PSD3: variants seen among roughly 807,000 people sequenced by gnomAD.
PSD3 encodes the protein PH and SEC7 domain-containing protein 3.
PSD3 carries 49 observed loss-of-function variants against 105.5 expected under a neutral mutation model. The observed-to-expected ratio is 0.46, with a 90% confidence interval of 0.37 to 0.59. PSD3 has a LOEUF of 0.59. Among genes scored for constraint, PSD3 ranks in the 20% least tolerant of loss-of-function variants. The pLI is 0.00. For missense variants in PSD3, 1,561 were observed against 1,263.8 expected (o/e 1.24, Z -3.57); for synonymous variants, 557 against 457.8 (o/e 1.22, Z -2.77).
chr8:18,766,861 A>G (rs183817797), intron 8 of PSD3, among the ~76,000 whole-genome samples: 3 of 152,326 alleles, frequency 2.0e-5, no homozygotes, highest in Admixed American at 6.5e-5. Context: ...GTGTTGCATT[A>G]TAGGAGAGAA....
At chr8:18,730,513 C>G (rs544599869) in intron 9 of PSD3, among the ~76,000 whole-genome samples, 2 of 152,056 alleles carry the variant, frequency 1.3e-5, no homozygotes, top group Non-Finnish European at 2.9e-5. Context: ...CGAAGTTGAC[C>G]CTTAGTACCT....
intron 11 of PSD3, among the ~76,000 whole-genome samples, chr8:18,620,583 C>A (rs1038762554): frequency 6.6e-6 from 1 of 151,958 alleles, no homozygotes; most frequent in Non-Finnish European, 1.5e-5. Context: ...ACAGCACATT[C>A]CTGTGGTCCC....
chr8:18,939,916 AAC>A (rs1179867979), intron 1 of PSD3, among the ~76,000 whole-genome samples: 4 of 152,208 alleles, frequency 2.6e-5, no homozygotes, highest in African/African-American at 9.7e-5. Context: ...CAGAGCAGAA[AAC>A]ACACTGTAAG....
At chr8:18,827,686 G>C (rs1217195857) in intron 4 of PSD3, among the ~76,000 whole-genome samples, 1 of 152,064 alleles carries the variant, frequency 6.6e-6, no homozygotes, top group Admixed American at 6.6e-5. Flanking sequence ...TGCAAGGGTC[G>C]AGGTGACAGA....
At chr8:18,640,074 C>G (rs716094) in intron 10 of PSD3, among the ~76,000 whole-genome samples, 38,062 of 152,048 alleles carry the variant, frequency 0.25, 5,151 homozygotes, top group Middle Eastern at 0.45. Context: ...CATTCACTTT[C>G]AAAAAACAGC....
intron 1 of PSD3, among the ~76,000 whole-genome samples, chr8:19,019,442 A>G (rs987283920): frequency 1.3e-5 from 2 of 152,240 alleles, no homozygotes; most frequent in Non-Finnish European, 2.9e-5. Flanking sequence ...ATACATAAGC[A>G]ACTCTAACCT....
At chr8:18,973,007 G>C (rs1281213617) in intron 1 of PSD3, among the ~76,000 whole-genome samples, 1 of 152,098 alleles carries the variant, frequency 6.6e-6, no homozygotes, top group Non-Finnish European at 1.5e-5. Flanking sequence ...CTTCGAATTT[G>C]GACAAAAATA....
At chr8:18,571,846 G>C (rs1255601812) in intron 14 of PSD3, among the ~76,000 whole-genome samples, 2 of 152,114 alleles carry the variant, frequency 1.3e-5, no homozygotes, top group Non-Finnish European at 2.9e-5. Context: ...TCTTTAACTA[G>C]TCAATGGCAA....
intron 2 of PSD3, among the ~76,000 whole-genome samples, chr8:18,917,688 G>A (rs1202756452): frequency 2.0e-5 from 3 of 151,974 alleles, no homozygotes; most frequent in Admixed American, 6.6e-5. Context: ...TTGCTCTTGC[G>A]ATTTCCCACC....
At chr8:18,732,097 C>T (rs1803798012) in intron 9 of PSD3, among the ~76,000 whole-genome samples, 3 of 151,892 alleles carry the variant, frequency 2.0e-5, no homozygotes, top group African/African-American at 4.8e-5. Flanking sequence ...GAAATGTCCC[C>T]CTAGGAGCAT....
intron 1 of PSD3, among the ~76,000 whole-genome samples, chr8:18,973,647 C>A (rs1824773980): frequency 6.6e-6 from 1 of 152,148 alleles, no homozygotes; most frequent in South Asian, 2.1e-4. Context: ...TAGGGAGATA[C>A]AAGTCAGTTC....
rs1804798373 is a variant in PSD3 at position 18,605,997 on chromosome 8, A to C, written c.2411-5563T>G. ...AATTAAACTACTTTATAAATTATCCAGTCTCGGGTATTTCTTCAGATGAGT... is the reference window on the plus strand; with the variant it reads ...AATTAAACTACTTTATAAATTATCCCGTCTCGGGTATTTCTTCAGATGAGT... On this transcript the variant is annotated intron_variant, in intron 11 of 15. Transcript: ENST00000327040. 2.6e-5 allele frequency among the ~76,000 whole-genome samples: 4 copies of C among 152,116 alleles called. No individual in the cohort carries two copies. The South Asian group carries it at 8.3e-4, about 32-fold the overall frequency.
intron 2 of PSD3, among the ~76,000 whole-genome samples, chr8:18,910,241 T>C (rs948949287): frequency 1.3e-5 from 2 of 148,554 alleles, no homozygotes; most frequent in Non-Finnish European, 3.0e-5. Flanking sequence ...CCAACTCAAA[T>C]GTCCAACAAT....
intron 14 of PSD3, among the ~76,000 whole-genome samples, chr8:18,568,023 C>T (rs923820991): frequency 5.9e-5 from 9 of 152,134 alleles, no homozygotes; most frequent in Non-Finnish European, 1.3e-4. Flanking sequence ...CTTTCCCTTC[C>T]TCTCTCTCTT....
chr8:18,815,434 G>A (rs911900922), intron 4 of PSD3, among the ~76,000 whole-genome samples: 23 of 152,128 alleles, frequency 1.5e-4, no homozygotes, highest in Middle Eastern at 3.4e-3. Context: ...TCAGACTCCC[G>A]AGTAGCTGGG....
At chr8:18,693,510 C>G (rs1801087269) in intron 9 of PSD3, among the ~76,000 whole-genome samples, 1 of 152,196 alleles carries the variant, frequency 6.6e-6, no homozygotes. Context: ...CTCACCAAAA[C>G]AACATCCTGC....
rs7012861 is a variant in PSD3, at chr8:18,924,306, G to A, written c.130+11728C>T. Among the ~76,000 whole-genome samples the A allele has an allele frequency of 4.8e-3, 729 of 152,222 alleles. 7 individuals are homozygous for A. Among genetic ancestry groups the A allele is most frequent in the African/African-American group, 0.017 (697 of 41,520 alleles). Reference sequence around the variant, plus strand: ...GAGAACATATGGTCAGTTTAATAACGGCCAAGGAATAGTGAGCAAGTCTAA... The same window carrying A: ...GAGAACATATGGTCAGTTTAATAACAGCCAAGGAATAGTGAGCAAGTCTAA... On this transcript the variant is annotated intron_variant, in intron 2 of 15. Coordinates refer to ENST00000327040, the MANE Select transcript of PSD3 (RefSeq NM_015310.4).
intron 11 of PSD3, among the ~76,000 whole-genome samples, chr8:18,606,515 C>T (rs1207186081): frequency 6.6e-6 from 1 of 152,184 alleles, no homozygotes; most frequent in Admixed American, 6.5e-5. Flanking sequence ...GTTTCAGAAT[C>T]TGTAGGCCAT....
chr8:19,012,645 G>C (rs940562488), intron 1 of PSD3, among the ~76,000 whole-genome samples: 2 of 152,206 alleles, frequency 1.3e-5, no homozygotes, highest in African/African-American at 4.8e-5. Flanking sequence ...CACGCTTCTT[G>C]AAAGCAGAAA....
Sources: allele counts gnomAD v4.1 joint callset (sites outside exome capture counted in the v4.1 genomes callset), GRCh38; gene constraint gnomAD v4.1.1; transcripts MANE v1.5; gene names NCBI Gene and HGNC (gene_info 2026-07-23, HGNC 2026-07-21).